The following COL9A1 variants were observed in gnomAD, a reference collection of about 807,000 sequenced individuals.
The protein encoded by COL9A1 is collagen type IX alpha 1 chain.
COL9A1 carries 104 observed loss-of-function variants against 142.6 expected under a neutral mutation model. The observed-to-expected ratio is 0.73, with a 90% confidence interval of 0.62 to 0.86. The LOEUF (loss-of-function observed/expected upper bound fraction) is 0.86, where lower values mean the gene tolerates loss of function less well. Among genes scored for constraint, COL9A1 ranks in the 40% least tolerant of loss-of-function variants. The pLI is 0.00. For synonymous variants in COL9A1, 466 were observed against 396.0 expected (o/e 1.18, Z -2.10); for missense variants, 1,210 against 1,176.6 (o/e 1.03, Z -0.42).
intron 4 of COL9A1, 82 bp downstream of exon 4, chr6:70,299,961 A>G: frequency 3.7e-6 from 5 of 1,338,112 alleles, no homozygotes; most frequent in Admixed American, 3.5e-5. Context: ...ATTGATCATA[A>G]GAAAACTCTA....
chr6:70,232,741 T>C lies in COL9A1; in HGVS notation c.2345A>G (p.Lys782Arg). Residue 782 changes from lysine to arginine, a missense_variant, in exon 36 of 38, where the codon AAG becomes AGG. Coordinates refer to ENST00000357250, the MANE Select transcript of COL9A1 (RefSeq NM_001851.6). ...EHFAEMAASL[K>R]RPDSGATGLP... ...CCCAGTGGCACCTGAGTCTGGACGCTTAAGACTGGCAGCCATCTCAGCAAA... is the reference window on the plus strand; with the variant it reads ...CCCAGTGGCACCTGAGTCTGGACGCCTAAGACTGGCAGCCATCTCAGCAAA... The C allele has an allele frequency of 2.5e-6, 4 of 1,613,756 alleles. No homozygotes were observed. The highest frequency in any genetic ancestry group is 3.4e-6 in the Non-Finnish European group (4 of 1,179,930).
chr6:70,302,722 G>GT (rs1240827346), intron 1 of COL9A1, among the ~76,000 whole-genome samples, 189 bp downstream of exon 1: 1 of 151,594 alleles, frequency 6.6e-6, no homozygotes, highest in Non-Finnish European at 1.5e-5. Flanking sequence ...TCTGTCTTCG[G>GT]TTTTTTGTGT....
chr6:70,270,377 T>C lies in COL9A1; in HGVS notation c.1144-10A>G. 6.2e-7 allele frequency: 1 copy of C among 1,613,418 alleles called. No individual in the cohort carries two copies. The highest frequency in any genetic ancestry group is 1.1e-5 in the South Asian group (1 of 90,998). On this transcript the variant is annotated splice_polypyrimidine_tract_variant and intron_variant, in intron 14 of 37. Transcript: ENST00000357250. ...TTCTCCCAGGGTCACCCTAAGTTAT[T>C]TGAAAATTGCGACACAGTGGTTATA...
intron 34 of COL9A1, 91 bp from the exon 35 acceptor site, chr6:70,234,684 A>C (rs1423709584): frequency 1.2e-6 from 2 of 1,602,446 alleles, no homozygotes; most frequent in African/African-American, 2.7e-5. Context: ...GCAAGGAGCC[A>C]GGTGGCTGGA....
At chr6:70,281,320 A>C in intron 8 of COL9A1, 70 bp downstream of exon 8, 1 of 1,459,632 alleles carries the variant, frequency 6.9e-7, no homozygotes, top group Non-Finnish European at 9.4e-7. Context: ...AAAACCCCAC[A>C]GGAGCCCTGG....
intron 7 of COL9A1, 117 bp downstream of exon 7, chr6:70,282,781 C>T (rs1395773892): frequency 2.7e-6 from 4 of 1,481,070 alleles, no homozygotes; most frequent in Middle Eastern, 2.3e-4. Flanking sequence ...GGAGGAAGCG[C>T]GGGTCTGAGA....
rs78874798 is a variant in COL9A1 at position 70,279,323 on chromosome 6, C to T, written c.975+1489G>A. ...TCAGTTCATATTACATTAATACAAA[C>T]GCTTGTTTGAGATTCAGTTTTTACT... is the stretch of plus-strand genomic sequence containing the variant. On this transcript the variant is annotated intron_variant, in intron 10 of 37. Transcript: ENST00000357250. Among the ~76,000 whole-genome samples the T allele has an allele frequency of 2.7e-3, 414 of 152,246 alleles. 5 individuals are homozygous for T. The highest frequency in any genetic ancestry group is 8.4e-3 in the African/African-American group (351 of 41,548).
At chr6:70,225,304 G>A (rs1182981918) in intron 37 of COL9A1, among the ~76,000 whole-genome samples, 1 of 152,104 alleles carries the variant, frequency 6.6e-6, no homozygotes, top group African/African-American at 2.4e-5. Context: ...CTGGTGACAG[G>A]GTAGCCAGTG....
rs1292764296 is a variant in COL9A1, at chr6:70,281,784, A to G, written c.802-320T>C. Reference sequence around the variant, plus strand: ...AAAAGGAAGGGTCTAACGCCTTTGTATCCTCAAAAGGATACAAAAATGAAA... The same window carrying G: ...AAAAGGAAGGGTCTAACGCCTTTGTGTCCTCAAAAGGATACAAAAATGAAA... On this transcript the variant is annotated intron_variant, in intron 7 of 37. Transcript: ENST00000357250. Among the ~76,000 whole-genome samples, 7 of 152,170 alleles carry G rather than the reference A, an allele frequency of 4.6e-5. No individual in the cohort carries two copies. The East Asian group carries it at 1.2e-3, about 25-fold the overall frequency.
At chr6:70,301,917 A>G in intron 2 of COL9A1, 84 bp downstream of exon 2, 1 of 1,097,636 alleles carries the variant, frequency 9.1e-7, no homozygotes, top group Non-Finnish European at 1.4e-6. Context: ...TGAATGCCTC[A>G]CTCAGTCTTC....
Position 70,240,692 on chromosome 6 carries a change from T to C in COL9A1, c.2076A>G (p.Glu692=), listed in dbSNP as rs557157592. The change falls in exon 32 of 38, where the codon GAA becomes GAG. Residue 692 remains glutamate (E), a synonymous_variant. Transcript: ENST00000357250. ...AACCAGAAAAAAAAAATCTTACAAGTTCCCCCCTTTCTCCTGCTTCACCTT... is the reference window on the plus strand; with the variant it reads ...AACCAGAAAAAAAAAATCTTACAAGCTCCCCCCTTTCTCCTGCTTCACCTT... ...GEEGEAGERG[E]LGDIGLPGPK... 17 of 1,611,734 alleles carry C rather than the reference T, an allele frequency of 1.1e-5. No homozygotes were observed. The highest frequency in any genetic ancestry group is 2.7e-5 in the African/African-American group (2 of 74,804).
chr6:70,225,960 G>GT lies in COL9A1; in HGVS notation c.2552dup (p.Asn851LysfsTer12). 6.2e-7 allele frequency: 1 copy of GT among 1,613,914 alleles called. No individual in the cohort carries two copies. The stretch of plus-strand genomic sequence containing the variant: ...GGAGACCTATAGCTCCAGGCAAACC[G>GT]TTGGGACCTCTTCCTGGAGGGCCAC... On this transcript the variant is annotated frameshift_variant, in exon 37 of 38. Coordinates refer to ENST00000357250, the MANE Select transcript of COL9A1 (RefSeq NM_001851.6). LOFTEE classifies it high-confidence loss of function.
intron 12 of COL9A1, among the ~76,000 whole-genome samples, chr6:70,273,576 T>C (rs701684): frequency 0.47 from 70,768 of 151,902 alleles, 17,913 homozygotes; most frequent in African/African-American, 0.68. Context: ...ACACCTGCCA[T>C]ATTGTGCAAA....
At chr6:70,278,309 A>C (rs576199117) in intron 10 of COL9A1, among the ~76,000 whole-genome samples, 101 of 152,252 alleles carry the variant, frequency 6.6e-4, no homozygotes, top group African/African-American at 2.4e-3. Context: ...TTGCCTGGGG[A>C]GTCTAAAAAT....
At chr6:70,265,384 C>T (rs756148999) in intron 18 of COL9A1, among the ~76,000 whole-genome samples, 92 of 151,864 alleles carry the variant, frequency 6.1e-4, no homozygotes, top group Non-Finnish European at 7.5e-4. Context: ...GCATAGAATA[C>T]CTCATGAATA....
chr6:70,276,661 A>G (rs112400374), intron 10 of COL9A1, among the ~76,000 whole-genome samples: 2,030 of 152,290 alleles, frequency 0.013, 51 homozygotes, highest in African/African-American at 0.045. Flanking sequence ...CTCCATGAGG[A>G]CAAGAGTCAT....
At chr6:70,268,201 A>G (rs1717341093) in intron 17 of COL9A1, among the ~76,000 whole-genome samples, 1 of 149,612 alleles carries the variant, frequency 6.7e-6, no homozygotes. Flanking sequence ...ACCACTCACT[A>G]TCTTCCTTAA....
At chr6:70,299,249 A>C (rs1318421893) in intron 4 of COL9A1, among the ~76,000 whole-genome samples, 3 of 151,968 alleles carry the variant, frequency 2.0e-5, no homozygotes, top group African/African-American at 7.2e-5. Context: ...ATATTATCTT[A>C]TTGTTCTAAT....
At position 70,234,890 on chromosome 6, in the gene COL9A1, C is replaced by A. The variant is rs771273943; in HGVS notation, c.2163G>T (p.Gly721=). The change falls in exon 34 of 38, where the codon GGG becomes GGT. Residue 721 remains glycine, a synonymous_variant. Coordinates refer to ENST00000357250, the MANE Select transcript of COL9A1 (RefSeq NM_001851.6). ...CTCTTGGTCCTTCCACTCCAGGAAG[C>A]CCCCGACTTCCCTCAGGCCCTCTCA... ...PGLRGPEGSR[G]LPGVEGPRGP... is the part of the protein sequence containing the mutation. 1.5e-5 allele frequency: 24 copies of A among 1,614,024 alleles called. No individual in the cohort carries two copies. Among genetic ancestry groups the A allele is most frequent in the Non-Finnish European group, 1.9e-5 (23 of 1,180,010 alleles).
Sources: gnomAD v4.1 joint callset for allele counts (sites outside exome capture counted in the v4.1 genomes callset) on GRCh38, gnomAD v4.1.1 for gene constraint, MANE v1.5 for transcripts, NCBI Gene and HGNC (gene_info 2026-07-23, HGNC 2026-07-21) for gene names.